PCDHGA12: variants seen among roughly 807,000 people sequenced by gnomAD.
PCDHGA12 encodes protocadherin gamma-A12.
PCDHGA12 carries 43 observed loss-of-function variants against 61.1 expected under a neutral mutation model. The ratio of observed to expected loss-of-function variants is 0.70; its 90% CI spans 0.55 to 0.91. The LOEUF is 0.91. PCDHGA12 is among the 40% of genes least tolerant of loss of function. The pLI is 0.00. For synonymous variants in PCDHGA12, 520 were observed against 542.9 expected (o/e 0.96, Z 0.59); for missense variants, 1,236 against 1,227.7 (o/e 1.01, Z -0.10).
At position 141,491,809 on chromosome 5, in the gene PCDHGA12, C is replaced by A. The variant is rs1421763758; in HGVS notation, c.2425-2998C>A. The A allele has an allele frequency of 6.7e-7, 1 of 1,487,044 alleles. No homozygotes were observed. The highest frequency in any genetic ancestry group is 1.4e-5 in the South Asian group (1 of 72,986). The allele number at this position is 1,487,044 out of a possible 1,614,324, so 92.1% of individuals were successfully genotyped here. On this transcript the variant is annotated intron_variant, in intron 1 of 3. Coordinates refer to ENST00000252085, the MANE Select transcript of PCDHGA12 (RefSeq NM_003735.3). This position sits in a 1 kb window ranked among gnomAD's most constrained non-coding sequence, Gnocchi z 6.9. Reference sequence around the variant, plus strand: ...TCCACTCCTCTCCGGCCGGCTTGGTCGCTGGCTGCGCTCCACCCGATTCTC... The same window carrying A: ...TCCACTCCTCTCCGGCCGGCTTGGTAGCTGGCTGCGCTCCACCCGATTCTC...
rs764337284 is a variant in PCDHGA12, at chr5:141,490,255, G to A, written c.2425-4552G>A. Reference sequence around the variant, plus strand: ...GGAGGGCCACTGTGTGATTCAAGTGGATGTGGGGGATGTCAATGACAATGC... The same window carrying A: ...GGAGGGCCACTGTGTGATTCAAGTGAATGTGGGGGATGTCAATGACAATGC... On this transcript the variant is annotated intron_variant, in intron 1 of 3. Transcript: ENST00000252085. The surrounding 1 kb of genome is among the most constrained non-coding windows in gnomAD (Gnocchi z 5.4). 6 of 1,614,118 alleles carry A rather than the reference G, an allele frequency of 3.7e-6. No individual in the cohort carries two copies. In the Admixed American group the frequency reaches 6.7e-5, roughly 18 times the overall value.
Position 141,486,683 on chromosome 5 carries a change from G to C in PCDHGA12, c.2425-8124G>C, listed in dbSNP as rs1207359772. 6.2e-7 allele frequency: 1 copy of C among 1,613,974 alleles called. No individual in the cohort carries two copies. ...GGAGCCCAGGAATCGAGATGTATCA[G>C]CTTCCTCTTTCATCTCTCTGAACCC... On this transcript the variant is annotated intron_variant, in intron 1 of 3. Coordinates refer to ENST00000252085, the MANE Select transcript of PCDHGA12 (RefSeq NM_003735.3). This position sits in a 1 kb window ranked among gnomAD's most constrained non-coding sequence, Gnocchi z 5.0.
intron 1 of PCDHGA12, among the ~76,000 whole-genome samples, chr5:141,447,895 G>A (rs931589569): frequency 1.3e-5 from 2 of 152,068 alleles, no homozygotes; most frequent in Non-Finnish European, 2.9e-5. Context: ...AGACCAGCCT[G>A]GCCAACATGG....
intron 1 of PCDHGA12, among the ~76,000 whole-genome samples, chr5:141,447,975 A>G (rs1352829510): frequency 6.6e-6 from 1 of 151,928 alleles, no homozygotes; most frequent in Non-Finnish European, 1.5e-5. Flanking sequence ...AATCCCAGCT[A>G]CTCGGGAGGC....
At chr5:141,478,785 A>C in intron 1 of PCDHGA12, 1 of 1,482,486 alleles carries the variant, frequency 6.7e-7, no homozygotes, top group Non-Finnish European at 9.0e-7. Flanking sequence ...GACCTAATTC[A>C]CATCCTCAGC....
At position 141,432,135 on chromosome 5, in the gene PCDHGA12, C is replaced by T; in HGVS notation, c.1376C>T (p.Ala459Val). The change falls in exon 1 of 4, where the codon GCT becomes GTT. Residue 459 changes from alanine (A) to valine (V), a missense_variant. Physicochemically the swap from Ala to Val is moderately conservative, Grantham distance 64. Transcript: ENST00000252085. This position sits in a 1 kb window ranked among gnomAD's most constrained non-coding sequence, Gnocchi z 6.0. ...GTCTTCCCTCAGGCCTCCTATTCCGCTTATATCCCAGAGAACAATCCCAGA... is the reference window on the plus strand; with the variant it reads ...GTCTTCCCTCAGGCCTCCTATTCCGTTTATATCCCAGAGAACAATCCCAGA... ...PPVFPQASYS[A>V]YIPENNPRGV... The T allele has an allele frequency of 6.2e-7, 1 of 1,614,140 alleles. No homozygotes were observed. Among genetic ancestry groups the T allele is most frequent in the Non-Finnish European group, 8.5e-7 (1 of 1,180,026 alleles).
At chr5:141,455,690 C>T (rs1209152869) in intron 1 of PCDHGA12, among the ~76,000 whole-genome samples, 1 of 152,064 alleles carries the variant, frequency 6.6e-6, no homozygotes, top group Non-Finnish European at 1.5e-5. Context: ...CTGTGGGAAT[C>T]GCCAAGTTGA....
chr5:141,482,645 G>A (rs1267966412), intron 1 of PCDHGA12, among the ~76,000 whole-genome samples: 1 of 152,120 alleles, frequency 6.6e-6, no homozygotes, highest in Admixed American at 6.5e-5. Context: ...TAGAGGTGGT[G>A]ATGCTTGAGC....
chr5:141,453,111 G>A (rs1040339344), intron 1 of PCDHGA12, among the ~76,000 whole-genome samples: 5 of 151,718 alleles, frequency 3.3e-5, no homozygotes, highest in Non-Finnish European at 5.9e-5. Flanking sequence ...TTTTTGTTTT[G>A]TTTTGTTTTG....
chr5:141,456,814 ATTAGCCATCGTGG>A (rs2098889077), intron 1 of PCDHGA12, among the ~76,000 whole-genome samples: 1 of 151,928 alleles, frequency 6.6e-6, no homozygotes, highest in Non-Finnish European at 1.5e-5. Context: ...AATACAAAAA[ATTAGCCATCGTGG>A]TAGTGGGCGC....
rs1223618064 is a variant in PCDHGA12 at position 141,512,867 on chromosome 5, C to T, written c.*1694C>T. On this transcript the variant is annotated 3_prime_UTR_variant, in exon 4 of 4. Transcript: ENST00000252085. The stretch of plus-strand genomic sequence containing the variant: ...ATAAGCGCTTCTCTTCGCATAGTCA[C>T]GTAGCTCCCACCCCACCCTCTTCCT... 1 of 152,184 alleles carries T rather than the reference C, an allele frequency of 6.6e-6. No homozygotes were observed. The highest frequency in any genetic ancestry group is 1.5e-5 in the Non-Finnish European group (1 of 68,056). The allele number at this position is 152,184 out of a possible 1,614,324, so 9.4% of individuals were successfully genotyped here. A position where few individuals can be genotyped will look rare whatever the true frequency, so the allele number is the denominator to read the frequency against.
chr5:141,433,547 C>G (rs2097621028), intron 1 of PCDHGA12, among the ~76,000 whole-genome samples: 1 of 152,086 alleles, frequency 6.6e-6, no homozygotes, highest in South Asian at 2.1e-4. Context: ...ATCAGATATT[C>G]TTTTCTGGCT....
intron 2 of PCDHGA12, 36 bp from the exon 3 acceptor site, chr5:141,505,357 T>A (rs1026098450): frequency 6.2e-7 from 1 of 1,613,762 alleles, no homozygotes; most frequent in African/African-American, 1.3e-5. Context: ...TGTGCCGGCC[T>A]GGGAGTCTGT....
At chr5:141,456,777 A>G (rs572940615) in intron 1 of PCDHGA12, among the ~76,000 whole-genome samples, 2 of 152,214 alleles carry the variant, frequency 1.3e-5, no homozygotes, top group Admixed American at 6.5e-5. Flanking sequence ...AGCCTGGCCT[A>G]CATGGCAAAA....
Position 141,432,169 on chromosome 5 carries a change from C to T in PCDHGA12, c.1410C>T (p.Ser470=). Residue 470 remains serine (S), a synonymous_variant, in exon 1 of 4, where the codon TCC becomes TCT. Transcript: ENST00000252085. The surrounding 1 kb of genome is among the most constrained non-coding windows in gnomAD (Gnocchi z 6.0). ...CAGAGAACAATCCCAGAGGAGTTTCCCTCGTCTCTGTGACCGCCCACGACC... is the reference window on the plus strand; with the variant it reads ...CAGAGAACAATCCCAGAGGAGTTTCTCTCGTCTCTGTGACCGCCCACGACC... ...YIPENNPRGV[S]LVSVTAHDPD... is the part of the protein sequence containing the mutation. The T allele has an allele frequency of 6.2e-7, 1 of 1,614,204 alleles. No homozygotes were observed. The highest frequency in any genetic ancestry group is 1.6e-4 in the Middle Eastern group (1 of 6,062).
intron 1 of PCDHGA12, among the ~76,000 whole-genome samples, chr5:141,464,193 A>C (rs991769179): frequency 1.3e-5 from 2 of 149,674 alleles, no homozygotes; most frequent in Non-Finnish European, 3.0e-5. Flanking sequence ...TGATTTCAGG[A>C]GGCGGAGATT....
In PCDHGA12 at chr5:141,431,339, TTGG is replaced by T. The variant is rs750589924; in HGVS notation, c.583_585del (p.Val195del). ...AGCCGACGGTAGTAAGTACCCCGAA[TTGG>T]TGCTGAAACGCGCCCTGGACCGCGA... is the stretch of plus-strand genomic sequence containing the variant. On this transcript the variant is annotated inframe_deletion, in exon 1 of 4. Coordinates refer to ENST00000252085, the MANE Select transcript of PCDHGA12 (RefSeq NM_003735.3). The surrounding 1 kb of genome is among the most constrained non-coding windows in gnomAD (Gnocchi z 4.8). 4 of 1,614,060 alleles carry T rather than the reference TTGG, an allele frequency of 2.5e-6. No individual in the cohort carries two copies. The Admixed American group carries it at 6.7e-5, about 27-fold the overall frequency.
chr5:141,503,528 G>A (rs1411240550), intron 2 of PCDHGA12, among the ~76,000 whole-genome samples: 2 of 151,470 alleles, frequency 1.3e-5, no homozygotes, highest in Non-Finnish European at 2.9e-5. Flanking sequence ...GAACCTGGGA[G>A]GCAGAGGTTG....
At chr5:141,466,827 T>C (rs1414741980) in intron 1 of PCDHGA12, among the ~76,000 whole-genome samples, 1 of 152,194 alleles carries the variant, frequency 6.6e-6, no homozygotes, top group Admixed American at 6.5e-5. Context: ...AACAAGTTAG[T>C]ATGGGTTTAT....
Sources: allele counts gnomAD v4.1 joint callset (sites outside exome capture counted in the v4.1 genomes callset), GRCh38; gene constraint gnomAD v4.1.1; non-coding constraint Gnocchi (gnomAD v3.1); transcripts MANE v1.5; gene names NCBI Gene and HGNC (gene_info 2026-07-23, HGNC 2026-07-21).